Variants in COQ5 observed in about 807,000 individuals in gnomAD.
The protein encoded by COQ5 is coenzyme Q5, methyltransferase.
COQ5 carries 27 observed loss-of-function variants against 40.5 expected under a neutral mutation model. The observed-to-expected ratio is 0.67, with a 90% CI of 0.49 to 0.92. COQ5 has a LOEUF of 0.92. Ranked by LOEUF, COQ5 falls within the 40% of genes least tolerant of loss-of-function variation. The probability of loss-of-function intolerance (pLI) is 0.00; values close to 1 mark genes in which losing one functional copy is unlikely to be tolerated. For missense variants in COQ5, 409 were observed against 406.4 expected (o/e 1.01, Z -0.06); for synonymous variants, 141 against 150.0 (o/e 0.94, Z 0.44).
intron 4 of COQ5, among the ~76,000 whole-genome samples, chr12:120,509,452 A>C (rs554436581): frequency 5.6e-4 from 86 of 152,322 alleles, no homozygotes; most frequent in Non-Finnish European, 9.6e-4. Context: ...TCTTTTGTCA[A>C]AACAGTGTTT....
At chr12:120,526,124 C>T (rs1869930531) in intron 1 of COQ5, among the ~76,000 whole-genome samples, 1 of 152,140 alleles carries the variant, frequency 6.6e-6, no homozygotes. Context: ...ATGTAAATAA[C>T]AGATACACAA....
intron 1 of COQ5, among the ~76,000 whole-genome samples, chr12:120,527,988 CAAAAAAAAAAAAAAAAAAAAAAA>C (rs55830211): frequency 4.3e-5 from 1 of 23,032 alleles, no homozygotes; most frequent in East Asian, 1.9e-3. Context: ...GACTCAGTCT[CAAAAAAAAAAAAAAAAAAAAAAA>C]AAAAAAAAAA....
Position 120,503,958 on chromosome 12 carries a change from G to C in COQ5, c.882+12C>G, listed in dbSNP as rs371666503. The C allele has an allele frequency of 1.2e-6, 2 of 1,602,404 alleles. No homozygotes were observed. The highest frequency in any genetic ancestry group is 2.7e-5 in the African/African-American group (2 of 74,692). On this transcript the variant is annotated intron_variant, in intron 6 of 6. Coordinates refer to ENST00000288532, the MANE Select transcript of COQ5 (RefSeq NM_032314.4). The stretch of plus-strand genomic sequence containing the variant: ...TGTAGGGCCTTTGTTTAAAGCTATA[G>C]AAGTTTCATACCTGAGACGGAAACC...
rs1170668907 is a variant in COQ5, at chr12:120,521,229, C to CT, written c.352+984dup. On this transcript the variant is annotated intron_variant, in intron 2 of 6. Coordinates refer to ENST00000288532, the MANE Select transcript of COQ5 (RefSeq NM_032314.4). The stretch of plus-strand genomic sequence containing the variant: ...TTACAGGCACCAGCTACCACACTGG[C>CT]TTTTTTTTTGTATTTTTAGTAGAGA... Among the ~76,000 whole-genome samples, 248 of 151,018 alleles carry CT rather than the reference C, an allele frequency of 1.6e-3. 1 individual carries two copies. The highest frequency in any genetic ancestry group is 5.2e-3 in the African/African-American group (213 of 41,264).
At chr12:120,511,627 TAA>T (rs896842975) in intron 3 of COQ5, among the ~76,000 whole-genome samples, 3 of 151,764 alleles carry the variant, frequency 2.0e-5, no homozygotes, top group African/African-American at 7.3e-5. Context: ...CTCGAAAAAA[TAA>T]AAAGCAAAAA....
At chr12:120,506,101 C>T (rs1418086072) in intron 4 of COQ5, among the ~76,000 whole-genome samples, 2 of 151,158 alleles carry the variant, frequency 1.3e-5, no homozygotes, top group Non-Finnish European at 2.9e-5. Flanking sequence ...GTGATCCACT[C>T]GTCTCGGCCT....
At chr12:120,521,680 A>C (rs75394968) in intron 2 of COQ5, among the ~76,000 whole-genome samples, 6 of 608 alleles carry the variant, frequency 9.9e-3, no homozygotes, top group Admixed American at 0.053. Context: ...CTCCATCTCC[A>C]AAAAAAAAAA....
chr12:120,503,766 T>TCCA lies in COQ5; in HGVS notation c.*15_*17dup. Reference sequence around the variant, plus strand: ...TCAACAGGATATGACTGGTTCATGCTCCATGATAGGAAAGGAATTAAAGTT... The same window carrying TCCA: ...TCAACAGGATATGACTGGTTCATGCTCCACCATGATAGGAAAGGAATTAAAGTT... On this transcript the variant is annotated 3_prime_UTR_variant, in exon 7 of 7. Coordinates refer to ENST00000288532, the MANE Select transcript of COQ5 (RefSeq NM_032314.4). 4 of 1,587,490 alleles carry TCCA rather than the reference T, an allele frequency of 2.5e-6. No homozygotes were observed. Among genetic ancestry groups the TCCA allele is most frequent in the Non-Finnish European group, 3.5e-6 (4 of 1,155,818 alleles).
chr12:120,509,616 A>G (rs11065145), intron 4 of COQ5, among the ~76,000 whole-genome samples: 39,524 of 152,084 alleles, frequency 0.26, 5,989 homozygotes, highest in East Asian at 0.5. Context: ...ACAGACTTCT[A>G]TGGAGATCAG....
At chr12:120,513,952 G>A (rs1869262553) in intron 3 of COQ5, among the ~76,000 whole-genome samples, 1 of 152,138 alleles carries the variant, frequency 6.6e-6, no homozygotes, top group South Asian at 2.1e-4. Context: ...TCTGTACTAT[G>A]GGGCACTTAA....
At chr12:120,504,483 A>G (rs570564330) in intron 5 of COQ5, 42 of 277,756 alleles carry the variant, frequency 1.5e-4, no homozygotes, top group Middle Eastern at 1.4e-3. Flanking sequence ...CCTGGCCTCA[A>G]GTGATCCTCC....
At chr12:120,528,641 A>G (rs1870076557) in intron 1 of COQ5, among the ~76,000 whole-genome samples, 1 of 151,918 alleles carries the variant, frequency 6.6e-6, no homozygotes, top group Non-Finnish European at 1.5e-5. Context: ...ATCTCTAGTA[A>G]GAATACAAAA....
At chr12:120,505,440 T>C (rs1301854351) in intron 4 of COQ5, among the ~76,000 whole-genome samples, 3 of 152,084 alleles carry the variant, frequency 2.0e-5, no homozygotes, top group African/African-American at 7.2e-5. Flanking sequence ...CAGACTGGAG[T>C]GCAGTGGTGT....
intron 1 of COQ5, among the ~76,000 whole-genome samples, chr12:120,524,259 A>T (rs1385868697): frequency 1.3e-5 from 2 of 151,994 alleles, no homozygotes; most frequent in Admixed American, 1.3e-4. Flanking sequence ...TTCCCTTTAA[A>T]GTTACATTTT....
At chr12:120,513,277 GC>G (rs941912240) in intron 3 of COQ5, among the ~76,000 whole-genome samples, 38 of 150,210 alleles carry the variant, frequency 2.5e-4, no homozygotes, top group Middle Eastern at 3.4e-3. Context: ...GCCGAGGCGG[GC>G]GGATCACAAG....
At chr12:120,527,813 T>A (rs1651772331) in intron 1 of COQ5, among the ~76,000 whole-genome samples, 1 of 151,028 alleles carries the variant, frequency 6.6e-6, no homozygotes, top group Non-Finnish European at 1.5e-5. Context: ...AAACCCTGTC[T>A]GTACTAAAAA....
chr12:120,516,455 A>G, intron 3 of COQ5, 112 bp downstream of exon 3: 2 of 907,936 alleles, frequency 2.2e-6, no homozygotes, highest in Admixed American at 1.7e-5. Context: ...CAACCTGCCC[A>G]TCTATAAGTT....
chr12:120,515,916 C>CT (rs996664057), intron 3 of COQ5, among the ~76,000 whole-genome samples: 2 of 152,118 alleles, frequency 1.3e-5, no homozygotes, highest in African/African-American at 4.8e-5. Context: ...CAAGTTATTT[C>CT]TTTTTTTATT....
chr12:120,524,213 GAGAA>G (rs977448030), intron 1 of COQ5, among the ~76,000 whole-genome samples: 11 of 152,084 alleles, frequency 7.2e-5, no homozygotes, highest in African/African-American at 2.7e-4. Flanking sequence ...TAGCTAAAGA[GAGAA>G]AGAGTCTACT....
Sources: allele counts gnomAD v4.1 joint callset (sites outside exome capture counted in the v4.1 genomes callset), GRCh38; gene constraint gnomAD v4.1.1; transcripts MANE v1.5; gene names NCBI Gene and HGNC (gene_info 2026-07-23, HGNC 2026-07-21).